Variants in FNTA observed in about 807,000 individuals in gnomAD.
FNTA encodes farnesyltransferase, CAAX box, subunit alpha.
In FNTA, 27 loss-of-function variants were observed where a neutral mutation model predicts 55.2. That is an observed-to-expected ratio of 0.49 (90% CI 0.36 to 0.67). FNTA has a LOEUF of 0.67. FNTA is among the 30% of genes least tolerant of loss of function. FNTA has a pLI of 0.00. For missense variants in FNTA, 422 were observed against 464.7 expected (o/e 0.91, Z 0.85); for synonymous variants, 176 against 170.7 (o/e 1.03, Z -0.24).
chr8:43,080,401 A>G (rs1289601532), intron 6 of FNTA: 1 of 152,272 alleles, frequency 6.6e-6, no homozygotes, highest in East Asian at 1.9e-4. Context: ...GGCTCAGATG[A>G]TCATTAGCAT....
chr8:43,074,010 A>G (rs1255887511), intron 5 of FNTA, among the ~76,000 whole-genome samples: 1 of 152,178 alleles, frequency 6.6e-6, no homozygotes, highest in Non-Finnish European at 1.5e-5. Flanking sequence ...ATTTCATGAC[A>G]TATATATTAA....
At chr8:43,071,388 T>C (rs1810786804) in intron 4 of FNTA, among the ~76,000 whole-genome samples, 1 of 152,114 alleles carries the variant, frequency 6.6e-6, no homozygotes, top group Non-Finnish European at 1.5e-5. Context: ...CAGAAACTCC[T>C]GGCCGGGCGC....
chr8:43,056,650 C>T, intron 1 of FNTA, 104 bp downstream of exon 1: 1 of 724,072 alleles, frequency 1.4e-6, no homozygotes, highest in Admixed American at 4.5e-5. Context: ...GGCCGAAGTT[C>T]CCGTGGCGCC....
rs141629351 is a variant in FNTA at position 43,077,007 on chromosome 8, C to T, written c.634-209C>T. ...ATTTTCTTGGATGTCTTTTTTCCTGCTTTCTGTATGTGTCTTTCCAGGCTC... is the reference window on the plus strand; with the variant it reads ...ATTTTCTTGGATGTCTTTTTTCCTGTTTTCTGTATGTGTCTTTCCAGGCTC... On this transcript the variant is annotated intron_variant, in intron 5 of 8. Coordinates refer to ENST00000302279, the MANE Select transcript of FNTA (RefSeq NM_002027.3). 2,975 of 381,482 alleles carry T rather than the reference C, an allele frequency of 7.8e-3. 33 individuals carry two copies. The highest frequency in any genetic ancestry group is 0.011 in the Non-Finnish European group (2,310 of 216,020). The allele number at this position is 381,482 out of a possible 1,614,324, so 23.6% of individuals were successfully genotyped here.
rs777061739 is a variant in FNTA at position 43,084,890 on chromosome 8, G to A, written c.1017+9G>A. ...TTAATAAAGCATTAGAGGTAAGCTGGTGGGGCTCAGTGCTGTCATTTTTGG... is the reference window on the plus strand; with the variant it reads ...TTAATAAAGCATTAGAGGTAAGCTGATGGGGCTCAGTGCTGTCATTTTTGG... On this transcript the variant is annotated intron_variant, in intron 8 of 8. Coordinates refer to ENST00000302279, the MANE Select transcript of FNTA (RefSeq NM_002027.3). The A allele has an allele frequency of 6.2e-7, 1 of 1,612,270 alleles. No individual in the cohort carries two copies. Among genetic ancestry groups the A allele is most frequent in the East Asian group, 2.2e-5 (1 of 44,856 alleles).
At chr8:43,063,131 G>C (rs922753873) in intron 2 of FNTA, 19 of 348,338 alleles carry the variant, frequency 5.5e-5, no homozygotes, top group Non-Finnish European at 1.0e-4. Context: ...TGTCACCCAG[G>C]CTCGGTGCTT....
At chr8:43,081,005 G>T (rs1811015366) in intron 6 of FNTA, 1 of 152,136 alleles carries the variant, frequency 6.6e-6, no homozygotes. Context: ...GGTAAAAGAA[G>T]TATTTAAAAT....
chr8:43,064,566 CG>C (rs1373401366), intron 3 of FNTA, among the ~76,000 whole-genome samples: 1 of 152,046 alleles, frequency 6.6e-6, no homozygotes, highest in Non-Finnish European at 1.5e-5. Context: ...CCACTCCCCG[CG>C]GCCTCCTAAA....
intron 5 of FNTA, 179 bp from the exon 6 acceptor site, chr8:43,077,037 A>G (rs896936650): frequency 2.2e-6 from 1 of 450,648 alleles, no homozygotes. Flanking sequence ...AGGCTCTATC[A>G]TCAATTTCAT....
At chr8:43,058,947 A>G (rs1810472891) in intron 1 of FNTA, 145 bp from the exon 2 acceptor site, 1 of 541,374 alleles carries the variant, frequency 1.8e-6, no homozygotes, top group South Asian at 3.4e-5. Context: ...AAACTTGGTC[A>G]TGAAGAATCC....
At chr8:43,076,640 GC>G (rs1483745493) in intron 5 of FNTA, 3 of 152,186 alleles carry the variant, frequency 2.0e-5, no homozygotes, top group African/African-American at 7.2e-5. Flanking sequence ...CACTTTAGGA[GC>G]CCGAGGTGGG....
At chr8:43,062,049 G>A (rs776002954) in intron 2 of FNTA, among the ~76,000 whole-genome samples, 5 of 152,014 alleles carry the variant, frequency 3.3e-5, no homozygotes, top group Non-Finnish European at 5.9e-5. Context: ...AAAGAATAAT[G>A]TTTCATTTTA....
intron 4 of FNTA, among the ~76,000 whole-genome samples, chr8:43,071,925 C>A (rs982868301): frequency 2.6e-5 from 4 of 152,086 alleles, no homozygotes; most frequent in Non-Finnish European, 2.9e-5. Flanking sequence ...ATTATACAAT[C>A]TAGTAATGTT....
chr8:43,075,964 GC>G (rs1196595597), intron 5 of FNTA, among the ~76,000 whole-genome samples: 2 of 151,772 alleles, frequency 1.3e-5, no homozygotes, highest in African/African-American at 4.8e-5. Context: ...AAACTCCGGG[GC>G]TCAAGTGATC....
rs1563324088 is a variant in FNTA, at chr8:43,056,337, C to A, written c.-10C>A. 7.1e-7 allele frequency: 1 copy of A among 1,408,352 alleles called. No homozygotes were observed. The highest frequency in any genetic ancestry group is 1.5e-5 in the African/African-American group (1 of 66,432). 87.2% of individuals were successfully genotyped at this position (1,408,352 alleles called of 1,614,324 possible). ...CCTCCGCCACCACCTCAGCTGCGGA[C>A]CGAGGCGAGATGGCGGCCACCGAGG... On this transcript the variant is annotated 5_prime_UTR_variant, in exon 1 of 9. Coordinates refer to ENST00000302279, the MANE Select transcript of FNTA (RefSeq NM_002027.3).
At chr8:43,081,022 A>T (rs1028917655) in intron 6 of FNTA, 1 of 152,220 alleles carries the variant, frequency 6.6e-6, no homozygotes, top group Non-Finnish European at 1.5e-5. Context: ...AAATGTGAAG[A>T]GTAGCTGTAG....
At chr8:43,072,719 CCTAT>C (rs1810820092) in intron 5 of FNTA, among the ~76,000 whole-genome samples, 4 of 151,666 alleles carry the variant, frequency 2.6e-5, no homozygotes, top group Middle Eastern at 3.2e-3. Context: ...AGAGTGAGAC[CCTAT>C]CTATTTTAAA....
At chr8:43,079,726 A>T (rs1353818729) in intron 6 of FNTA, 1 of 152,242 alleles carries the variant, frequency 6.6e-6, no homozygotes, top group Non-Finnish European at 1.5e-5. Flanking sequence ...GCTACCATAG[A>T]TAGTGATTCC....
chr8:43,084,085 G>A (rs973296301), intron 7 of FNTA, among the ~76,000 whole-genome samples: 4 of 151,006 alleles, frequency 2.6e-5, no homozygotes, highest in African/African-American at 2.4e-5. Flanking sequence ...AAAAAAAAAA[G>A]AAGAACATCT....
Sources: gnomAD v4.1 joint callset for allele counts (sites outside exome capture counted in the v4.1 genomes callset) on GRCh38, gnomAD v4.1.1 for gene constraint, MANE v1.5 for transcripts, NCBI Gene and HGNC (gene_info 2026-07-23, HGNC 2026-07-21) for gene names.